GALNT13: variants seen among roughly 807,000 people sequenced by gnomAD.
GALNT13 encodes the protein polypeptide N-acetylgalactosaminyltransferase 13.
GALNT13 carries 28 observed loss-of-function variants against 64.2 expected under a neutral mutation model. That is an observed-to-expected ratio of 0.44 (90% CI 0.32 to 0.60). GALNT13 has a LOEUF of 0.60. GALNT13 is among the 20% of genes least tolerant of loss of function. The pLI is 0.05. For missense variants in GALNT13, 577 were observed against 669.8 expected (o/e 0.86, Z 1.53); for synonymous variants, 214 against 224.6 (o/e 0.95, Z 0.42).
At chr2:153,857,095 G>A in the GALNT13 span, among the ~76,000 whole-genome samples, 16 of 152,096 alleles carry the variant, frequency 1.1e-4, no homozygotes, top group Admixed American at 2.6e-4. Context: ...TTTATGGTGG[G>A]ACTTGGTTTT....
the GALNT13 span, among the ~76,000 whole-genome samples, chr2:153,379,164 T>C: frequency 6.6e-6 from 1 of 152,164 alleles, no homozygotes; most frequent in Non-Finnish European, 1.5e-5. Flanking sequence ...TTAAATAAAA[T>C]GAGCCAAGCT....
At chr2:153,247,740 C>T in the GALNT13 span, among the ~76,000 whole-genome samples, 1 of 151,956 alleles carries the variant, frequency 6.6e-6, no homozygotes. Flanking sequence ...GAGATAGAGA[C>T]ACAAAAAACG....
chr2:154,398,711 C>G (rs974280639), intron 10 of GALNT13, among the ~76,000 whole-genome samples: 1 of 152,170 alleles, frequency 6.6e-6, no homozygotes, highest in African/African-American at 2.4e-5. Flanking sequence ...AGTATCCTCT[C>G]TACTACCTCT....
intron 2 of GALNT13, among the ~76,000 whole-genome samples, chr2:153,921,318 A>G (rs1013472890): frequency 6.6e-6 from 1 of 152,150 alleles, no homozygotes; most frequent in Non-Finnish European, 1.5e-5. Flanking sequence ...CCTTAGCAAT[A>G]ACATGGATGG....
At chr2:153,933,447 T>A (rs1397802256) in intron 2 of GALNT13, among the ~76,000 whole-genome samples, 1 of 152,210 alleles carries the variant, frequency 6.6e-6, no homozygotes, top group Admixed American at 6.5e-5. Flanking sequence ...ACTTTGAGCC[T>A]ATGGGTATCA....
chr2:153,389,751 T>G, the GALNT13 span, among the ~76,000 whole-genome samples: 1 of 151,992 alleles, frequency 6.6e-6, no homozygotes, highest in Non-Finnish European at 1.5e-5. Context: ...GAGGGTACAT[T>G]GGAGAGAGCG....
the GALNT13 span, among the ~76,000 whole-genome samples, chr2:153,199,279 G>T: frequency 6.6e-6 from 1 of 152,214 alleles, no homozygotes; most frequent in African/African-American, 2.4e-5. Flanking sequence ...CGTGTCAGAG[G>T]CAAGGAAAGC....
At chr2:153,937,140 C>G (rs570882241) in intron 2 of GALNT13, among the ~76,000 whole-genome samples, 22 of 152,090 alleles carry the variant, frequency 1.4e-4, no homozygotes, top group Admixed American at 2.6e-4. Flanking sequence ...GGTATATACC[C>G]ACGAACAATG....
chr2:154,182,479 C>A (rs1166215995), intron 4 of GALNT13, among the ~76,000 whole-genome samples: 2 of 151,892 alleles, frequency 1.3e-5, no homozygotes, highest in Non-Finnish European at 2.9e-5. Context: ...CATTAAGGAT[C>A]TTTCTTTCCC....
At chr2:154,276,174 GCTTTT>G (rs1018190872) in intron 8 of GALNT13, among the ~76,000 whole-genome samples, 4 of 151,808 alleles carry the variant, frequency 2.6e-5, no homozygotes, top group Non-Finnish European at 4.4e-5. Flanking sequence ...GATTGTGGAT[GCTTTT>G]CTTTTCTTTT....
chr2:153,804,350 AT>A, the GALNT13 span, among the ~76,000 whole-genome samples: 1 of 151,906 alleles, frequency 6.6e-6, no homozygotes, highest in Non-Finnish European at 1.5e-5. Context: ...TTATGTTTTA[AT>A]TTTTTGGTAG....
At chr2:154,445,691 GAAAACATAAATCCAATA>G in intron 12 of GALNT13, 2 of 511,492 alleles carry the variant, frequency 3.9e-6, no homozygotes, top group Non-Finnish European at 6.1e-6. Flanking sequence ...ATAAATCCTT[GAAAACATAAATCCAATA>G]ATTTGTGTTC....
At position 153,941,441 on chromosome 2, in the gene GALNT13, T is replaced by C. The variant is rs554088369; in HGVS notation, c.-104-2953T>C. ...TAATAGTATTGGATAGAAAAGTCTGTAGTTCATGCAAGTTGCTCATGCACT... is the reference window on the plus strand; with the variant it reads ...TAATAGTATTGGATAGAAAAGTCTGCAGTTCATGCAAGTTGCTCATGCACT... On this transcript the variant is annotated intron_variant, in intron 2 of 12. Coordinates refer to ENST00000392825, the MANE Select transcript of GALNT13 (RefSeq NM_052917.4). 2.8e-4 allele frequency among the ~76,000 whole-genome samples: 43 copies of C among 152,232 alleles called. 1 individual carries two copies. Among genetic ancestry groups the C allele is most frequent in the Non-Finnish European group, 5.0e-4 (34 of 68,044 alleles).
chr2:153,225,669 A>T, the GALNT13 span, among the ~76,000 whole-genome samples: 393 of 152,336 alleles, frequency 2.6e-3, 3 homozygotes, highest in African/African-American at 8.9e-3. Context: ...TTGTTGCTTA[A>T]TTATATGTCA....
At chr2:153,454,699 C>A in the GALNT13 span, among the ~76,000 whole-genome samples, 1 of 152,208 alleles carries the variant, frequency 6.6e-6, no homozygotes, top group Admixed American at 6.5e-5. Context: ...TATACACCTT[C>A]CATATCTCCT....
intron 4 of GALNT13, among the ~76,000 whole-genome samples, chr2:154,142,617 T>A (rs1206199725): frequency 1.3e-5 from 2 of 151,076 alleles, no homozygotes; most frequent in African/African-American, 4.9e-5. Context: ...TTCCAGGGCT[T>A]GTAATTGTCA....
intron 9 of GALNT13, among the ~76,000 whole-genome samples, chr2:154,318,184 G>T (rs1694425541): frequency 6.6e-6 from 1 of 151,466 alleles, no homozygotes; most frequent in African/African-American, 2.4e-5. Flanking sequence ...ATTATCCCTG[G>T]CTTTATGATA....
the GALNT13 span, among the ~76,000 whole-genome samples, chr2:153,202,754 G>C: frequency 3.9e-5 from 6 of 152,250 alleles, no homozygotes; most frequent in African/African-American, 1.4e-4. Flanking sequence ...TTTAAAATCA[G>C]AATAGGTGTA....
chr2:153,457,918 C>G, the GALNT13 span, among the ~76,000 whole-genome samples: 1 of 152,192 alleles, frequency 6.6e-6, no homozygotes, highest in Non-Finnish European at 1.5e-5. Flanking sequence ...CCTCCCCATC[C>G]TGTTGGTGAG....
Sources: allele counts gnomAD v4.1 joint callset (sites outside exome capture counted in the v4.1 genomes callset), GRCh38; gene constraint gnomAD v4.1.1; transcripts MANE v1.5; gene names NCBI Gene and HGNC (gene_info 2026-07-23, HGNC 2026-07-21).